The following PTPRD variants were observed in gnomAD, a reference collection of about 807,000 sequenced individuals.
PTPRD encodes receptor-type tyrosine-protein phosphatase delta.
Under a neutral mutation model 214.5 loss-of-function variants are expected in PTPRD, and 34 were observed. That is an observed-to-expected ratio of 0.16 (90% confidence interval 0.12 to 0.21). The LOEUF is 0.21. Ranked by LOEUF, PTPRD falls within the 10% of genes least tolerant of loss-of-function variation. The probability of loss-of-function intolerance (pLI) is 1.00; values close to 1 mark genes in which losing one functional copy is unlikely to be tolerated. For missense variants in PTPRD, 2,545 were observed against 2,398.7 expected, an observed-to-expected ratio of 1.06 and a Z score of -1.27; for synonymous variants, 1,128 against 845.7, an observed-to-expected ratio of 1.33 and a Z score of -5.79.
chr9:8,830,069 T>C (rs977707325), intron 11 of PTPRD, among the ~76,000 whole-genome samples: 2 of 152,150 alleles, frequency 1.3e-5, no homozygotes, highest in South Asian at 2.1e-4. Flanking sequence ...GAATCAGGCA[T>C]TGTTCTAGTC....
intron 3 of PTPRD, among the ~76,000 whole-genome samples, chr9:10,141,520 A>C (rs1015993760): frequency 1.3e-5 from 2 of 152,084 alleles, no homozygotes; most frequent in Non-Finnish European, 2.9e-5. Flanking sequence ...AAGAGAATAA[A>C]ATACTTAGGA....
intron 35 of PTPRD, among the ~76,000 whole-genome samples, chr9:8,421,907 G>A (rs1379264251): frequency 6.6e-6 from 1 of 151,452 alleles, no homozygotes; most frequent in African/African-American, 2.4e-5. Flanking sequence ...CAGCACTTTG[G>A]GAGACCAAGG....
At chr9:8,768,271 G>A (rs1599173925) in intron 11 of PTPRD, among the ~76,000 whole-genome samples, 2 of 152,168 alleles carry the variant, frequency 1.3e-5, no homozygotes, top group Middle Eastern at 3.4e-3. Context: ...GGGTATAATG[G>A]TACGTGCCTA....
At chr9:10,102,753 G>C (rs1563819880) in intron 3 of PTPRD, among the ~76,000 whole-genome samples, 1 of 151,426 alleles carries the variant, frequency 6.6e-6, no homozygotes. Flanking sequence ...TTCAAAATGA[G>C]TATAAAGAAA....
At position 9,064,624 on chromosome 9, in the gene PTPRD, AT is replaced by A. The variant is rs1002829873; in HGVS notation, c.-142-45890del. Among the ~76,000 whole-genome samples, 24 of 152,302 alleles carry A rather than the reference AT, an allele frequency of 1.6e-4. No homozygotes were observed. The South Asian group carries it at 2.9e-3, about 18-fold the overall frequency. On this transcript the variant is annotated intron_variant, in intron 10 of 45. Transcript: ENST00000381196. ...TCAAGAACTGTCCCACACCAAATAC[AT>A]TTCCATCGCTTTCTTTAAAGATGAC... is the stretch of plus-strand genomic sequence containing the variant.
At chr9:9,054,748 TA>T (rs1182714799) in intron 10 of PTPRD, among the ~76,000 whole-genome samples, 3 of 152,178 alleles carry the variant, frequency 2.0e-5, no homozygotes, top group Non-Finnish European at 4.4e-5. Context: ...TGTGATTTGG[TA>T]ACTCGAAGGC....
At chr9:8,619,570 G>A (rs540304043) in intron 14 of PTPRD, among the ~76,000 whole-genome samples, 18 of 151,998 alleles carry the variant, frequency 1.2e-4, no homozygotes, top group Non-Finnish European at 1.8e-4. Context: ...TGATAACTAT[G>A]TCTTCTTTAA....
rs2095361234 is a variant in PTPRD, at chr9:8,609,451, G to A, written c.352+23866C>T. Among the ~76,000 whole-genome samples the A allele has an allele frequency of 3.3e-5, 5 of 152,246 alleles. No individual in the cohort carries two copies. The South Asian group carries it at 1.0e-3, about 32-fold the overall frequency. On this transcript the variant is annotated intron_variant, in intron 14 of 45. Transcript: ENST00000381196. Reference sequence around the variant, plus strand: ...GAGTTGTGAAAAGCATTGCCCTTATGATAGAAGTATCATGAAAATAAACTA... The same window carrying A: ...GAGTTGTGAAAAGCATTGCCCTTATAATAGAAGTATCATGAAAATAAACTA...
intron 11 of PTPRD, among the ~76,000 whole-genome samples, chr9:8,756,629 T>G (rs551308844): frequency 7.9e-5 from 12 of 152,032 alleles, no homozygotes; most frequent in Non-Finnish European, 1.3e-4. Context: ...GGAATTAAGG[T>G]CCAATCACCA....
rs535032442 is a variant in PTPRD at position 10,081,617 on chromosome 9, C to A, written c.-544-47827G>T. ...TAGGGCCCTGATCTGAGACTTTCAG[C>A]CTTCATAACTATAAGAAAGAAATTT... On this transcript the variant is annotated intron_variant, in intron 3 of 45. Coordinates refer to ENST00000381196, the MANE Select transcript of PTPRD (RefSeq NM_002839.4). Among the ~76,000 whole-genome samples the A allele has an allele frequency of 1.4e-4, 22 of 152,178 alleles. No individual in the cohort carries two copies. In the South Asian group the frequency reaches 4.4e-3, roughly 30 times the overall value.
At chr9:8,344,488 A>G (rs187033831) in intron 39 of PTPRD, among the ~76,000 whole-genome samples, 9 of 152,192 alleles carry the variant, frequency 5.9e-5, no homozygotes, top group African/African-American at 2.2e-4. Flanking sequence ...AAAAAATCAA[A>G]TACGTGTGAG....
At chr9:9,012,416 C>T (rs1406760641) in intron 11 of PTPRD, among the ~76,000 whole-genome samples, 2 of 152,144 alleles carry the variant, frequency 1.3e-5, no homozygotes, top group Non-Finnish European at 2.9e-5. Flanking sequence ...AGTTAATAAA[C>T]ATTGACTGAG....
At chr9:9,655,332 G>T (rs2096482294) in intron 7 of PTPRD, among the ~76,000 whole-genome samples, 1 of 152,150 alleles carries the variant, frequency 6.6e-6, no homozygotes, top group Admixed American at 6.5e-5. Context: ...CACTTCGGGA[G>T]GTCAAGGTGG....
At chr9:8,343,279 T>C (rs1472783677) in intron 39 of PTPRD, among the ~76,000 whole-genome samples, 1 of 152,056 alleles carries the variant, frequency 6.6e-6, no homozygotes, top group Non-Finnish European at 1.5e-5. Flanking sequence ...AACCACTACT[T>C]TAAAATAGGT....
intron 2 of PTPRD, among the ~76,000 whole-genome samples, chr9:10,461,853 C>T (rs1473114855): frequency 9.9e-5 from 15 of 152,030 alleles, no homozygotes; most frequent in Admixed American, 9.8e-4. Flanking sequence ...AGCTCCTGAC[C>T]TCAGGTAATC....
intron 3 of PTPRD, among the ~76,000 whole-genome samples, chr9:10,208,840 G>A (rs1470629308): frequency 6.6e-6 from 1 of 150,906 alleles, no homozygotes; most frequent in African/African-American, 2.5e-5. Context: ...TGGGCAGGTA[G>A]ATGACAAGGC....
chr9:9,424,086 G>A (rs1282072352), intron 8 of PTPRD, among the ~76,000 whole-genome samples: 2 of 152,168 alleles, frequency 1.3e-5, no homozygotes, highest in Non-Finnish European at 2.9e-5. Flanking sequence ...CATCTTGGAA[G>A]GCTGTTGACA....
intron 33 of PTPRD, among the ~76,000 whole-genome samples, chr9:8,458,817 T>C (rs981682017): frequency 6.6e-6 from 1 of 152,054 alleles, no homozygotes; most frequent in Admixed American, 6.6e-5. Context: ...TGAGAGGAGA[T>C]TTTGGCTTTC....
intron 3 of PTPRD, among the ~76,000 whole-genome samples, chr9:10,198,367 T>C (rs2099406284): frequency 6.6e-6 from 1 of 152,150 alleles, no homozygotes; most frequent in South Asian, 2.1e-4. Context: ...GCATGAATGA[T>C]AGTGCCTGAA....
Sources: gnomAD v4.1 joint callset for allele counts (sites outside exome capture counted in the v4.1 genomes callset) on GRCh38, gnomAD v4.1.1 for gene constraint, MANE v1.5 for transcripts, NCBI Gene and HGNC (gene_info 2026-07-23, HGNC 2026-07-21) for gene names.